RIT2: variants seen among roughly 807,000 people sequenced by gnomAD.
RIT2 encodes Ras like without CAAX 2.
In RIT2, 24 loss-of-function variants were observed where a neutral mutation model predicts 23.7. The observed-to-expected ratio is 1.01, with a 90% CI of 0.73 to 1.43. The LOEUF is 1.43. Among genes scored for constraint, RIT2 ranks in the 40% most tolerant of loss-of-function variants. The probability of loss-of-function intolerance (pLI) is 0.00; values close to 1 mark genes in which losing one functional copy is unlikely to be tolerated. For missense variants in RIT2, 236 were observed against 266.9 expected (o/e 0.88, Z 0.81); for synonymous variants, 107 against 91.1 (o/e 1.17, Z -0.99).
At chr18:42,799,487 G>C (rs1905465596) in intron 4 of RIT2, among the ~76,000 whole-genome samples, 2 of 152,180 alleles carry the variant, frequency 1.3e-5, no homozygotes, top group South Asian at 2.1e-4. Flanking sequence ...TCCCAATTGA[G>C]CTATTGCAAT....
At chr18:42,854,997 C>G (rs1471793743) in intron 4 of RIT2, among the ~76,000 whole-genome samples, 1 of 152,078 alleles carries the variant, frequency 6.6e-6, no homozygotes. Context: ...GTGTAAAAAA[C>G]TTGGATTTAC....
chr18:42,826,859 C>A (rs1906310361), intron 4 of RIT2, among the ~76,000 whole-genome samples: 1 of 151,800 alleles, frequency 6.6e-6, no homozygotes, highest in African/African-American at 2.4e-5. Flanking sequence ...AAACTAAAAT[C>A]CATGTTAGTA....
chr18:43,023,575 T>C (rs1193795301), intron 2 of RIT2, among the ~76,000 whole-genome samples: 1 of 152,114 alleles, frequency 6.6e-6, no homozygotes, highest in Non-Finnish European at 1.5e-5. Flanking sequence ...CACTGCATTT[T>C]TATAGATGAG....
intron 4 of RIT2, among the ~76,000 whole-genome samples, chr18:42,867,121 C>G (rs936962044): frequency 6.6e-6 from 1 of 152,062 alleles, no homozygotes; most frequent in Non-Finnish European, 1.5e-5. Context: ...TATAATCTCC[C>G]ACTGATTTGC....
intron 4 of RIT2, among the ~76,000 whole-genome samples, chr18:42,781,544 G>A (rs1271435096): frequency 1.3e-5 from 2 of 152,104 alleles, no homozygotes; most frequent in Non-Finnish European, 2.9e-5. Context: ...CAGAAGGTCA[G>A]GATTGTGCTC....
intron 2 of RIT2, among the ~76,000 whole-genome samples, chr18:43,003,601 T>C (rs892738427): frequency 5.3e-5 from 8 of 151,888 alleles, no homozygotes; most frequent in Non-Finnish European, 1.2e-4. Flanking sequence ...CTGGTACCAA[T>C]GTCCATAATA....
At chr18:43,028,055 T>C (rs1911773360) in intron 2 of RIT2, among the ~76,000 whole-genome samples, 2 of 152,110 alleles carry the variant, frequency 1.3e-5, no homozygotes, top group Non-Finnish European at 2.9e-5. Context: ...TGGAACCTAC[T>C]TTTTATATGG....
At chr18:42,955,111 TAATTA>T (rs2144178486) in intron 3 of RIT2, among the ~76,000 whole-genome samples, 1 of 152,260 alleles carries the variant, frequency 6.6e-6, no homozygotes, top group South Asian at 2.1e-4. Flanking sequence ...AGATAAGCAG[TAATTA>T]AATTATCAGA....
At chr18:42,826,724 G>A (rs1335859466) in intron 4 of RIT2, among the ~76,000 whole-genome samples, 1 of 151,966 alleles carries the variant, frequency 6.6e-6, no homozygotes, top group Non-Finnish European at 1.5e-5. Flanking sequence ...CTATTCTAAG[G>A]TTTTTCAGAA....
At chr18:42,978,130 AG>A (rs1320198656) in intron 2 of RIT2, among the ~76,000 whole-genome samples, 2 of 151,998 alleles carry the variant, frequency 1.3e-5, no homozygotes, top group Non-Finnish European at 2.9e-5. Flanking sequence ...TGCTGAGGCC[AG>A]GGGCACGCTG....
At chr18:42,897,319 T>C (rs2144102056) in intron 4 of RIT2, among the ~76,000 whole-genome samples, 1 of 152,276 alleles carries the variant, frequency 6.6e-6, no homozygotes, top group Admixed American at 6.5e-5. Flanking sequence ...TGGCAGCTGG[T>C]TGACAGTGGG....
At chr18:42,962,646 C>G (rs1445994066) in intron 3 of RIT2, among the ~76,000 whole-genome samples, 1 of 152,050 alleles carries the variant, frequency 6.6e-6, no homozygotes, top group East Asian at 1.9e-4. Context: ...AGGAGCCTGG[C>G]AGGAAAAATG....
At chr18:43,061,592 G>T (rs1912646306) in intron 1 of RIT2, among the ~76,000 whole-genome samples, 2 of 152,078 alleles carry the variant, frequency 1.3e-5, no homozygotes, top group Non-Finnish European at 2.9e-5. Flanking sequence ...TTTCATTTCT[G>T]TTTTACCCAC....
chr18:43,102,824 TTG>T (rs1913720069), intron 1 of RIT2, among the ~76,000 whole-genome samples: 1 of 151,948 alleles, frequency 6.6e-6, no homozygotes, highest in Non-Finnish European at 1.5e-5. Flanking sequence ...CGGATAATTT[TTG>T]TATTTTTAGT....
intron 4 of RIT2, among the ~76,000 whole-genome samples, chr18:42,856,145 A>G (rs1261564203): frequency 2.0e-5 from 3 of 152,238 alleles, no homozygotes; most frequent in Admixed American, 6.5e-5. Flanking sequence ...CCATCCATAA[A>G]GCCTAAAGAT....
At chr18:42,844,689 T>C (rs913747659) in intron 4 of RIT2, among the ~76,000 whole-genome samples, 1 of 151,984 alleles carries the variant, frequency 6.6e-6, no homozygotes, top group Non-Finnish European at 1.5e-5. Context: ...GTATGTAGTT[T>C]TGGAAAAGGC....
chr18:42,851,847 A>G (rs1907062036), intron 4 of RIT2, among the ~76,000 whole-genome samples: 2 of 152,182 alleles, frequency 1.3e-5, no homozygotes. Flanking sequence ...TCATAAAAAT[A>G]AAAAATAAAA....
At chr18:42,777,596 G>T (rs1350712331) in intron 4 of RIT2, among the ~76,000 whole-genome samples, 2 of 152,080 alleles carry the variant, frequency 1.3e-5, no homozygotes, top group East Asian at 3.9e-4. Flanking sequence ...AAGTAAAATG[G>T]GATTTAATAT....
chr18:43,001,404 A>C (rs1423961689), intron 2 of RIT2, among the ~76,000 whole-genome samples: 2 of 152,022 alleles, frequency 1.3e-5, no homozygotes, highest in Admixed American at 1.3e-4. Flanking sequence ...ATAAGGAAAA[A>C]AATGTATAAG....
Sources: gnomAD v4.1 joint callset for allele counts (sites outside exome capture counted in the v4.1 genomes callset) on GRCh38, gnomAD v4.1.1 for gene constraint, MANE v1.5 for transcripts, NCBI Gene and HGNC (gene_info 2026-07-23, HGNC 2026-07-21) for gene names.